Variants in CFAP20DC observed in about 807,000 individuals in gnomAD.
CFAP20DC encodes the protein CFAP20 domain containing.
CFAP20DC carries 84 observed loss-of-function variants against 101.7 expected under a neutral mutation model. The ratio of observed to expected loss-of-function variants is 0.83; its 90% confidence interval spans 0.69 to 0.99. CFAP20DC has a LOEUF of 0.99. Among genes scored for constraint, CFAP20DC ranks in the 50% least tolerant of loss-of-function variants. The probability of loss-of-function intolerance (pLI) is 0.00; values close to 1 mark genes in which losing one functional copy is unlikely to be tolerated. For synonymous variants in CFAP20DC, 359 were observed against 351.2 expected, an observed-to-expected ratio of 1.02 and a Z score of -0.25; for missense variants, 1,007 against 970.3, an observed-to-expected ratio of 1.04 and a Z score of -0.50.
chr3:58,794,197 T>G (rs972391751), intron 15 of CFAP20DC: 4 of 338,666 alleles, frequency 1.2e-5, no homozygotes, highest in Non-Finnish European at 2.4e-5. Context: ...TGTGGGAAGC[T>G]GCCTTCTAAC....
rs1381352004 is a variant in CFAP20DC, at chr3:58,937,694, G to A, written c.347C>T (p.Thr116Ile). 6.2e-7 allele frequency: 1 copy of A among 1,612,752 alleles called. No homozygotes were observed. Among genetic ancestry groups the A allele is most frequent in the Non-Finnish European group, 8.5e-7 (1 of 1,178,834 alleles). Residue 116 changes from threonine to isoleucine, a missense_variant, in exon 5 of 17, where the codon ACC becomes ATC. Coordinates refer to ENST00000482387, the MANE Select transcript of CFAP20DC (RefSeq NM_001394063.1). ...GAGTGGAATTTTTGCATGAAGAGGGGTGGAGGATAGTTCCTTATGGACCGT... is the reference window on the plus strand; with the variant it reads ...GAGTGGAATTTTTGCATGAAGAGGGATGGAGGATAGTTCCTTATGGACCGT... ...LSTVHKELSS[T>I]PLHAKIPLFM...
chr3:58,990,754 G>GGTGTGTGTGTGTGTGTGTGTGTGTGT (rs71091398), intron 4 of CFAP20DC, among the ~76,000 whole-genome samples: 15 of 144,036 alleles, frequency 1.0e-4, no homozygotes, highest in African/African-American at 3.4e-4. Flanking sequence ...ATGCTCAGCT[G>GGTGTGTGTGTGTGTGTGTGTGTGTGT]GTGTGTGTGT....
intron 7 of CFAP20DC, among the ~76,000 whole-genome samples, chr3:58,871,297 G>A (rs2080187810): frequency 6.6e-6 from 1 of 152,108 alleles, no homozygotes; most frequent in Non-Finnish European, 1.5e-5. Context: ...TGGAAGGAGA[G>A]GCTAGGGTCA....
At position 58,870,951 on chromosome 3, in the gene CFAP20DC, A is replaced by ACATCT. The variant is rs551950162; in HGVS notation, c.716-647_716-643dup. Reference sequence around the variant, plus strand: ...AAAAAAGGAAAAGCTACTAAAAAATACATCTTATTTTCTCTTTAAGGAAAT... The same window carrying ACATCT: ...AAAAAAGGAAAAGCTACTAAAAAATACATCTCATCTTATTTTCTCTTTAAGGAAAT... On this transcript the variant is annotated intron_variant, in intron 7 of 16. Coordinates refer to ENST00000482387, the MANE Select transcript of CFAP20DC (RefSeq NM_001394063.1). Among the ~76,000 whole-genome samples, 331 of 151,324 alleles carry ACATCT rather than the reference A, an allele frequency of 2.2e-3. 19 individuals carry two copies. The South Asian group carries it at 0.067, about 31-fold the overall frequency.
At chr3:58,988,347 C>T (rs2092819802) in intron 4 of CFAP20DC, among the ~76,000 whole-genome samples, 1 of 152,052 alleles carries the variant, frequency 6.6e-6, no homozygotes, top group Non-Finnish European at 1.5e-5. Flanking sequence ...ACGGGTTATA[C>T]CAAAGTAATA....
intron 4 of CFAP20DC, among the ~76,000 whole-genome samples, chr3:58,950,446 T>C (rs2089967743): frequency 6.6e-6 from 1 of 152,178 alleles, no homozygotes; most frequent in Non-Finnish European, 1.5e-5. Context: ...AGAGCCTGCA[T>C]TGCCAAGTCA....
chr3:59,027,216 G>C (rs767981021), intron 4 of CFAP20DC, among the ~76,000 whole-genome samples: 10 of 152,148 alleles, frequency 6.6e-5, no homozygotes, highest in Non-Finnish European at 1.2e-4. Flanking sequence ...TGCTATGCAA[G>C]GATCACAAAG....
intron 15 of CFAP20DC, among the ~76,000 whole-genome samples, chr3:58,781,103 T>C (rs1271347987): frequency 6.6e-6 from 1 of 151,796 alleles, no homozygotes. Context: ...CAGACAACAA[T>C]AGAGTAAACC....
intron 5 of CFAP20DC, among the ~76,000 whole-genome samples, chr3:58,933,721 C>A (rs2087079424): frequency 6.6e-6 from 1 of 151,466 alleles, no homozygotes; most frequent in Non-Finnish European, 1.5e-5. Flanking sequence ...TCTTTGAAAC[C>A]AATGAGAACA....
chr3:58,963,873 A>G (rs1027594052), intron 4 of CFAP20DC, among the ~76,000 whole-genome samples: 3 of 152,206 alleles, frequency 2.0e-5, no homozygotes, highest in Admixed American at 1.3e-4. Context: ...ACACCTCACT[A>G]TAACCCCTCC....
chr3:58,999,978 G>A (rs1048651360), intron 4 of CFAP20DC, among the ~76,000 whole-genome samples: 1 of 151,644 alleles, frequency 6.6e-6, no homozygotes, highest in African/African-American at 2.4e-5. Flanking sequence ...CTTGCATGAA[G>A]GCCATCACAA....
chr3:58,986,261 G>T (rs2092747486), intron 4 of CFAP20DC, among the ~76,000 whole-genome samples: 1 of 152,196 alleles, frequency 6.6e-6, no homozygotes, highest in African/African-American at 2.4e-5. Context: ...CCAAAGTAGG[G>T]TATGTGTTTA....
At chr3:58,877,129 A>G (rs2080816688) in intron 7 of CFAP20DC, among the ~76,000 whole-genome samples, 1 of 152,160 alleles carries the variant, frequency 6.6e-6, no homozygotes, top group Non-Finnish European at 1.5e-5. Flanking sequence ...AACACCTTCC[A>G]CCGTGAATAG....
chr3:58,968,576 T>C (rs187346030), intron 4 of CFAP20DC, among the ~76,000 whole-genome samples: 1 of 152,288 alleles, frequency 6.6e-6, no homozygotes, highest in African/African-American at 2.4e-5. Context: ...TCTTGTAAAT[T>C]TGTTTAAGTT....
chr3:58,852,294 C>A (rs990544281), intron 12 of CFAP20DC, among the ~76,000 whole-genome samples: 2 of 151,936 alleles, frequency 1.3e-5, no homozygotes, highest in African/African-American at 4.8e-5. Flanking sequence ...GCTAACTATC[C>A]TAAATATATA....
chr3:59,045,839 A>C (rs1242194280), intron 3 of CFAP20DC, among the ~76,000 whole-genome samples: 1 of 152,066 alleles, frequency 6.6e-6, no homozygotes, highest in African/African-American at 2.4e-5. Context: ...TTTAGCCCTG[A>C]TGAGGAACCA....
chr3:58,959,515 A>G (rs973844458), intron 4 of CFAP20DC, among the ~76,000 whole-genome samples: 1 of 152,220 alleles, frequency 6.6e-6, no homozygotes, highest in Non-Finnish European at 1.5e-5. Context: ...TTTGTTGAAA[A>G]AAACCTAGTC....
chr3:59,046,293 C>T lies in CFAP20DC; in HGVS notation c.141G>A (p.Val47=). The T allele has an allele frequency of 6.5e-7, 1 of 1,530,404 alleles. No individual in the cohort carries two copies. The highest frequency in any genetic ancestry group is 8.7e-7 in the Non-Finnish European group (1 of 1,144,634). The allele number at this position is 1,530,404 out of a possible 1,614,324, so 94.8% of individuals were successfully genotyped here. The change falls in exon 3 of 17, where the codon GTG becomes GTA. Residue 47 remains valine (V), a synonymous_variant. Coordinates refer to ENST00000482387, the MANE Select transcript of CFAP20DC (RefSeq NM_001394063.1). The stretch of plus-strand genomic sequence containing the variant: ...TTTGGCTGCTGCCTTCCAGGACAAA[C>T]ACAAAACTTTTAACTTCTTTATCAA... ...KEFDKEVKSF[V]FVLEGSSQTN...
chr3:58,741,883 G>A (rs2067899140), downstream of CFAP20DC: 1 of 172,832 alleles, frequency 5.8e-6, no homozygotes, highest in Non-Finnish European at 1.2e-5. Flanking sequence ...CCAATAAAAT[G>A]TGATCATAAA....
Sources: gnomAD v4.1 joint callset for allele counts (sites outside exome capture counted in the v4.1 genomes callset) on GRCh38, gnomAD v4.1.1 for gene constraint, MANE v1.5 for transcripts, NCBI Gene and HGNC (gene_info 2026-07-23, HGNC 2026-07-21) for gene names.